Variants in LNX2 observed in about 807,000 individuals in gnomAD.
The protein encoded by LNX2 is ligand of numb-protein X 2.
In LNX2, 35 loss-of-function variants were observed where a neutral mutation model predicts 66.2. The observed-to-expected ratio is 0.53, with a 90% CI of 0.40 to 0.70. The LOEUF is 0.70. LNX2 is among the 30% of genes least tolerant of loss of function. The pLI is 0.00. For synonymous variants in LNX2, 337 were observed against 315.6 expected, an observed-to-expected ratio of 1.07 and a Z score of -0.72; for missense variants, 791 against 850.8, an observed-to-expected ratio of 0.93 and a Z score of 0.87.
intron 5 of LNX2, among the ~76,000 whole-genome samples, chr13:27,560,450 G>C (rs1406681092): frequency 6.6e-6 from 1 of 151,822 alleles, no homozygotes; most frequent in African/African-American, 2.4e-5. Flanking sequence ...ATGAAATTCT[G>C]CACAGCTTTG....
chr13:27,591,442 G>A (rs1394315865), intron 1 of LNX2, among the ~76,000 whole-genome samples: 3 of 152,146 alleles, frequency 2.0e-5, no homozygotes, highest in Middle Eastern at 3.2e-3. Flanking sequence ...TTTCCAAAAC[G>A]GATTCAAACA....
rs1282110757 is a variant in LNX2 at position 27,583,202 on chromosome 13, G to A, written c.-100-1399C>T. On this transcript the variant is annotated intron_variant, in intron 1 of 9. Transcript: ENST00000316334. ...TGTGTGTGTGTGTGTGTGTGTGTGT[G>A]TGTGTGTGTGTGTGTGTGTGTGTGT... Among the ~76,000 whole-genome samples the A allele has an allele frequency of 2.8e-3, 42 of 15,102 alleles. 5 individuals are homozygous for A. The highest frequency in any genetic ancestry group is 4.3e-3 in the Non-Finnish European group (34 of 7,892). 9.9% of individuals were successfully genotyped at this position (15,102 alleles called of 152,430 possible). A position where few individuals can be genotyped will look rare whatever the true frequency, so the allele number is the denominator to read the frequency against.
intron 1 of LNX2, among the ~76,000 whole-genome samples, chr13:27,583,255 T>TGCGCGCGCGCGTGCGCGC (rs1227667311): frequency 1.7e-5 from 1 of 58,530 alleles, no homozygotes; most frequent in Admixed American, 1.8e-4. Context: ...TGTGTGTGTG[T>TGCGCGCGCGCGTGCGCGC]GCGCGCGTCC....
intron 1 of LNX2, among the ~76,000 whole-genome samples, chr13:27,601,262 A>T (rs1955654744): frequency 6.6e-6 from 1 of 152,316 alleles, no homozygotes; most frequent in Non-Finnish European, 1.5e-5. Flanking sequence ...ACTCTGGTCC[A>T]TCTAATTCCA....
chr13:27,570,826 G>T (rs912099408), intron 2 of LNX2, among the ~76,000 whole-genome samples: 4 of 152,078 alleles, frequency 2.6e-5, no homozygotes, highest in Non-Finnish European at 5.9e-5. Flanking sequence ...AATGAACCAG[G>T]AACTGGAACT....
intron 1 of LNX2, among the ~76,000 whole-genome samples, chr13:27,603,465 C>G (rs77374501): frequency 0.031 from 4,740 of 152,234 alleles, 119 homozygotes; most frequent in Non-Finnish European, 0.047. Context: ...CAGAAACAAG[C>G]AAATCACTCT....
chr13:27,587,763 T>A (rs980642060), intron 1 of LNX2, among the ~76,000 whole-genome samples: 3 of 151,958 alleles, frequency 2.0e-5, no homozygotes, highest in Admixed American at 6.6e-5. Context: ...GGCTCACGCC[T>A]GTAATCCCAG....
intron 1 of LNX2, among the ~76,000 whole-genome samples, chr13:27,609,824 G>A (rs1593266053): frequency 6.6e-6 from 1 of 152,122 alleles, no homozygotes; most frequent in East Asian, 1.9e-4. Flanking sequence ...AATAAATCCT[G>A]AATGGTTTCT....
At chr13:27,586,651 T>C (rs1955490041) in intron 1 of LNX2, among the ~76,000 whole-genome samples, 1 of 152,254 alleles carries the variant, frequency 6.6e-6, no homozygotes, top group Non-Finnish European at 1.5e-5. Flanking sequence ...TGTTCATATA[T>C]GTTTGAGTTC....
At chr13:27,569,959 A>G (rs1428416567) in intron 2 of LNX2, among the ~76,000 whole-genome samples, 3 of 152,176 alleles carry the variant, frequency 2.0e-5, no homozygotes, top group African/African-American at 7.2e-5. Flanking sequence ...AGAAATCACA[A>G]CCGTTAACCT....
At chr13:27,578,538 T>C (rs1280687261) in intron 2 of LNX2, among the ~76,000 whole-genome samples, 1 of 152,116 alleles carries the variant, frequency 6.6e-6, no homozygotes, top group East Asian at 1.9e-4. Context: ...TTTCCTTGGA[T>C]ATGGGTGGGT....
chr13:27,571,658 T>C (rs1955281278), intron 2 of LNX2, among the ~76,000 whole-genome samples: 2 of 152,096 alleles, frequency 1.3e-5, no homozygotes, highest in South Asian at 4.1e-4. Context: ...CAATTTACAA[T>C]GAATTTATAA....
At chr13:27,553,067 T>C in intron 8 of LNX2, 141 bp downstream of exon 8, 1 of 669,864 alleles carries the variant, frequency 1.5e-6, no homozygotes, top group Non-Finnish European at 2.6e-6. Context: ...CCTTTTCTTT[T>C]GTAATTTGAT....
intron 1 of LNX2, among the ~76,000 whole-genome samples, chr13:27,595,432 G>A (rs560477001): frequency 2.6e-5 from 4 of 152,236 alleles, no homozygotes; most frequent in South Asian, 4.1e-4. Context: ...TGCCTGACAT[G>A]AGTATGTGGT....
Position 27,596,180 on chromosome 13 carries a change from G to T in LNX2, c.-100-14377C>A, listed in dbSNP as rs1955595240. On this transcript the variant is annotated intron_variant, in intron 1 of 9. Transcript: ENST00000316334. ...TGACAATTTGAAAAAACGCACAGAT[G>T]AACAGTATAGCCTAGAGATACTGAA... is the stretch of plus-strand genomic sequence containing the variant. Among the ~76,000 whole-genome samples the T allele has an allele frequency of 2.0e-5, 3 of 152,168 alleles. No homozygotes were observed. In the South Asian group the frequency reaches 6.2e-4, roughly 32 times the overall value.
Position 27,605,680 on chromosome 13 carries a change from T to C in LNX2, c.-101+14695A>G, listed in dbSNP as rs529753517. ...TGAGCTCCAGTCCTTAAATGAAAAA[T>C]ATCGACCTTACAGGGTTACTATGAC... On this transcript the variant is annotated intron_variant, in intron 1 of 9. Coordinates refer to ENST00000316334, the MANE Select transcript of LNX2 (RefSeq NM_153371.4). Among the ~76,000 whole-genome samples, 3 of 152,268 alleles carry C rather than the reference T, an allele frequency of 2.0e-5. No homozygotes were observed. In the South Asian group the frequency reaches 6.2e-4, roughly 32 times the overall value.
intron 1 of LNX2, among the ~76,000 whole-genome samples, chr13:27,587,465 C>A (rs951588000): frequency 1.3e-5 from 2 of 152,240 alleles, no homozygotes; most frequent in East Asian, 1.9e-4. Flanking sequence ...TGTTCTCAGG[C>A]TCATACATGA....
At chr13:27,585,807 T>C (rs1955478694) in intron 1 of LNX2, among the ~76,000 whole-genome samples, 1 of 151,980 alleles carries the variant, frequency 6.6e-6, no homozygotes, top group Admixed American at 6.5e-5. Flanking sequence ...ACTACAATTC[T>C]AGCCTCCCAC....
At chr13:27,604,308 G>A (rs759207564) in intron 1 of LNX2, among the ~76,000 whole-genome samples, 2 of 152,024 alleles carry the variant, frequency 1.3e-5, no homozygotes, top group Non-Finnish European at 2.9e-5. Flanking sequence ...CCTCTCAGAT[G>A]AGGAGAGCAG....
Sources: gnomAD v4.1 joint callset for allele counts (sites outside exome capture counted in the v4.1 genomes callset) on GRCh38, gnomAD v4.1.1 for gene constraint, MANE v1.5 for transcripts, NCBI Gene and HGNC (gene_info 2026-07-23, HGNC 2026-07-21) for gene names.